USP45: variants seen among roughly 807,000 people sequenced by gnomAD.
The protein encoded by USP45 is ubiquitin carboxyl-terminal hydrolase 45.
Under a neutral mutation model 95.8 loss-of-function variants are expected in USP45, and 89 were observed. The observed-to-expected ratio is 0.93, with a 90% CI of 0.78 to 1.11. USP45 has a LOEUF of 1.11. Ranked by LOEUF, USP45 falls within the 50% of genes least tolerant of loss-of-function variation. The probability of loss-of-function intolerance (pLI) is 0.00; values close to 1 mark genes in which losing one functional copy is unlikely to be tolerated. For synonymous variants in USP45, 281 were observed against 316.2 expected (o/e 0.89, Z 1.18); for missense variants, 898 against 942.5 (o/e 0.95, Z 0.62).
intron 1 of USP45, among the ~76,000 whole-genome samples, chr6:99,511,681 G>C (rs1292570208): frequency 1.3e-5 from 2 of 151,658 alleles, no homozygotes; most frequent in Admixed American, 6.6e-5. Flanking sequence ...TCGAACTCCT[G>C]GGCTCAAGCA....
intron 13 of USP45, among the ~76,000 whole-genome samples, chr6:99,452,341 C>G (rs905967826): frequency 6.6e-6 from 1 of 152,052 alleles, no homozygotes; most frequent in Admixed American, 6.6e-5. Context: ...AAGAAAAAAA[C>G]AACCCCATCA....
At chr6:99,466,076 G>A (rs1467848010) in intron 11 of USP45, among the ~76,000 whole-genome samples, 2 of 151,770 alleles carry the variant, frequency 1.3e-5, no homozygotes, top group Non-Finnish European at 2.9e-5. Context: ...TAGTGCAGTA[G>A]TGCGATCTCG....
At chr6:99,484,009 T>TTTTTTTG (rs1301181533) in intron 7 of USP45, among the ~76,000 whole-genome samples, 1 of 134,118 alleles carries the variant, frequency 7.5e-6, no homozygotes, top group African/African-American at 2.8e-5. Flanking sequence ...CCATAGTTTT[T>TTTTTTTG]TTTTTTTTTT....
intron 5 of USP45, among the ~76,000 whole-genome samples, chr6:99,496,185 T>C (rs1317513450): frequency 6.6e-6 from 1 of 152,162 alleles, no homozygotes; most frequent in Non-Finnish European, 1.5e-5. Context: ...GGTCATGTTA[T>C]GTTGTCTATG....
chr6:99,510,525 G>A (rs1799549112), intron 1 of USP45, among the ~76,000 whole-genome samples: 1 of 152,220 alleles, frequency 6.6e-6, no homozygotes, highest in South Asian at 2.1e-4. Context: ...ACTTGGAGGT[G>A]AAGCCTTTGA....
intron 9 of USP45, among the ~76,000 whole-genome samples, chr6:99,469,450 A>G (rs1583182707): frequency 6.9e-6 from 1 of 144,050 alleles, no homozygotes; most frequent in East Asian, 2.0e-4. Flanking sequence ...CAAAAAATAT[A>G]TATATAATTA....
intron 13 of USP45, among the ~76,000 whole-genome samples, chr6:99,454,816 C>A (rs1426598433): frequency 6.6e-6 from 1 of 152,268 alleles, no homozygotes; most frequent in Admixed American, 6.5e-5. Context: ...TGGCTGGGTG[C>A]AGTGGCTTAT....
At chr6:99,462,381 A>G (rs1381089441) in intron 13 of USP45, 5 of 984,798 alleles carry the variant, frequency 5.1e-6, no homozygotes, top group Non-Finnish European at 6.0e-6. Flanking sequence ...GATGTATTAA[A>G]ACTACTTTGG....
chr6:99,491,999 C>T (rs945708615), intron 5 of USP45, among the ~76,000 whole-genome samples: 1 of 152,102 alleles, frequency 6.6e-6, no homozygotes, highest in Non-Finnish European at 1.5e-5. Context: ...GGAAAATACT[C>T]CTAGAAATAA....
intron 5 of USP45, among the ~76,000 whole-genome samples, chr6:99,498,070 A>G (rs1796679414): frequency 6.6e-6 from 1 of 152,230 alleles, no homozygotes; most frequent in South Asian, 2.1e-4. Context: ...CTATTTAAAC[A>G]GGCAAGTATA....
chr6:99,469,486 A>ATT (rs60670572), intron 9 of USP45, among the ~76,000 whole-genome samples: 5 of 136,788 alleles, frequency 3.7e-5, no homozygotes, highest in African/African-American at 1.3e-4. Flanking sequence ...ATATATATAT[A>ATT]TTTTTTTTTT....
intron 10 of USP45, among the ~76,000 whole-genome samples, chr6:99,467,896 AT>A (rs1341157062): frequency 4.7e-5 from 7 of 148,976 alleles, no homozygotes; most frequent in Non-Finnish European, 8.9e-5. Context: ...ATATTTTTAA[AT>A]GTCTTCTAAA....
chr6:99,484,665 T>C (rs751070857), intron 7 of USP45, among the ~76,000 whole-genome samples: 16 of 151,736 alleles, frequency 1.1e-4, no homozygotes, highest in Non-Finnish European at 1.5e-4. Flanking sequence ...CCAAGTGTAG[T>C]GGCACGTGCC....
At chr6:99,476,272 C>T in intron 8 of USP45, 42 bp from the exon 9 acceptor site, 1 of 1,567,600 alleles carries the variant, frequency 6.4e-7, no homozygotes, top group South Asian at 1.1e-5. Flanking sequence ...AAAGAATAAT[C>T]ATTCCATGGT....
At chr6:99,443,769 A>G (rs2128545245) in intron 14 of USP45, 107 bp from the exon 15 acceptor site, 1 of 712,410 alleles carries the variant, frequency 1.4e-6, no homozygotes, top group Non-Finnish European at 2.2e-6. Context: ...AAAAATGTTA[A>G]AGAAATTGGA....
At chr6:99,443,139 C>A (rs1218603810) in intron 15 of USP45, among the ~76,000 whole-genome samples, 4 of 152,078 alleles carry the variant, frequency 2.6e-5, no homozygotes, top group African/African-American at 9.7e-5. Context: ...ATTGCTTAAA[C>A]CCGGGAAGTG....
intron 4 of USP45, among the ~76,000 whole-genome samples, chr6:99,505,420 G>C (rs1213395324): frequency 6.6e-6 from 1 of 151,988 alleles, no homozygotes; most frequent in African/African-American, 2.4e-5. Context: ...AATCCCAGCA[G>C]TTTGGGAGGC....
intron 13 of USP45, chr6:99,461,118 C>A (rs971186810): frequency 3.1e-6 from 3 of 983,190 alleles, no homozygotes; most frequent in African/African-American, 1.7e-5. Flanking sequence ...AAAAAAAAAT[C>A]TTTCATAAAA....
At chr6:99,440,664 G>A (rs1176013533) in intron 15 of USP45, among the ~76,000 whole-genome samples, 1 of 151,966 alleles carries the variant, frequency 6.6e-6, no homozygotes, top group Non-Finnish European at 1.5e-5. Context: ...GCTTTTTTAT[G>A]GCTTATCTTT....
Sources: allele counts gnomAD v4.1 joint callset (sites outside exome capture counted in the v4.1 genomes callset), GRCh38; gene constraint gnomAD v4.1.1; transcripts MANE v1.5; gene names NCBI Gene and HGNC (gene_info 2026-07-23, HGNC 2026-07-21).